FAR1: variants seen among roughly 807,000 people sequenced by gnomAD.
The protein encoded by FAR1 is male sterility domain-containing protein 2.
A neutral mutation model predicts 61.1 loss-of-function variants in FAR1; 22 were observed. That is an observed-to-expected ratio of 0.36 (90% CI 0.26 to 0.51). The LOEUF is 0.51. FAR1 is among the 20% of genes least tolerant of loss of function. FAR1 has a pLI of 0.95. For missense variants in FAR1, 359 were observed against 626.9 expected, an observed-to-expected ratio of 0.57 and a Z score of 4.56; for synonymous variants, 206 against 209.7, an observed-to-expected ratio of 0.98 and a Z score of 0.15.
At chr11:13,716,458 T>C (rs1436531774) in intron 9 of FAR1, among the ~76,000 whole-genome samples, 1 of 152,194 alleles carries the variant, frequency 6.6e-6, no homozygotes, top group African/African-American at 2.4e-5. Flanking sequence ...GTCTTTCATG[T>C]GTTTGTGATC....
chr11:13,722,617 G>A (rs1279759354), intron 10 of FAR1, among the ~76,000 whole-genome samples: 1 of 151,924 alleles, frequency 6.6e-6, no homozygotes, highest in African/African-American at 2.4e-5. Context: ...GGGATTACAG[G>A]CACATACCAC....
At chr11:13,723,362 CA>C (rs71313446) in intron 10 of FAR1, 39,362 of 255,150 alleles carry the variant, frequency 0.15, 493 homozygotes, top group Non-Finnish European at 0.16. Context: ...GAGAGTCTCT[CA>C]AAAAAAAAAA....
rs1436749074 is a variant in FAR1, at chr11:13,730,152, A to G, written c.*1378A>G. 1 of 152,462 alleles carries G rather than the reference A, an allele frequency of 6.6e-6. No homozygotes were observed. The highest frequency in any genetic ancestry group is 2.4e-5 in the African/African-American group (1 of 41,456). 9.4% of individuals were successfully genotyped at this position (152,462 alleles called of 1,614,324 possible). ...TTTATCAAGTTGTACTGTATTAGAT[A>G]ATCAGCAGTGTATCTGGAGTATGTT... On this transcript the variant is annotated 3_prime_UTR_variant, in exon 12 of 12. Transcript: ENST00000354817.
intron 1 of FAR1, among the ~76,000 whole-genome samples, chr11:13,677,184 A>G (rs2134167641): frequency 1.3e-5 from 2 of 152,354 alleles, no homozygotes; most frequent in Admixed American, 1.3e-4. Flanking sequence ...ATGTTATACC[A>G]TAATGTTTTT....
chr11:13,681,154 C>T (rs1011353972), intron 1 of FAR1, among the ~76,000 whole-genome samples: 1 of 152,056 alleles, frequency 6.6e-6, no homozygotes, highest in Non-Finnish European at 1.5e-5. Context: ...GTGAAATTCT[C>T]GTTCAGTAGA....
At chr11:13,677,238 A>G (rs549791439) in intron 1 of FAR1, among the ~76,000 whole-genome samples, 4 of 152,206 alleles carry the variant, frequency 2.6e-5, no homozygotes, top group African/African-American at 9.7e-5. Context: ...ATAATAACCC[A>G]TAGTTACAAG....
chr11:13,668,955 CCAGAAGTG>C (rs1463938587), intron 1 of FAR1, 149 bp downstream of exon 1: 1 of 152,486 alleles, frequency 6.6e-6, no homozygotes, highest in African/African-American at 2.4e-5. Context: ...CCGGGTACGC[CCAGAAGTG>C]AGGGCGCCCG....
intron 1 of FAR1, 137 bp from the exon 2 acceptor site, chr11:13,694,622 A>G (rs1565343675): frequency 1.5e-6 from 1 of 666,742 alleles, no homozygotes; most frequent in Non-Finnish European, 2.5e-6. Flanking sequence ...ACTTGAGGTT[A>G]GAGTCCTCTC....
intron 3 of FAR1, among the ~76,000 whole-genome samples, chr11:13,705,623 T>C (rs1158122630): frequency 6.6e-6 from 1 of 152,060 alleles, no homozygotes; most frequent in Non-Finnish European, 1.5e-5. Flanking sequence ...CTATGTGAAA[T>C]GTCTTTCTTG....
chr11:13,678,922 T>C (rs937374522), intron 1 of FAR1, among the ~76,000 whole-genome samples: 1 of 152,076 alleles, frequency 6.6e-6, no homozygotes, highest in Non-Finnish European at 1.5e-5. Context: ...ACAAGAAAAA[T>C]AGAAAATACA....
chr11:13,702,309 C>T (rs1362548089), intron 3 of FAR1, among the ~76,000 whole-genome samples: 2 of 151,774 alleles, frequency 1.3e-5, no homozygotes, highest in African/African-American at 4.8e-5. Flanking sequence ...TTTAGTCTTA[C>T]CTGTATATTA....
intron 3 of FAR1, among the ~76,000 whole-genome samples, chr11:13,701,113 A>G (rs551687918): frequency 2.0e-5 from 3 of 152,240 alleles, no homozygotes; most frequent in African/African-American, 7.2e-5. Context: ...AATTCAGAGC[A>G]TTCTTTTTGA....
At chr11:13,670,748 T>C (rs184518123) in intron 1 of FAR1, among the ~76,000 whole-genome samples, 93 of 150,126 alleles carry the variant, frequency 6.2e-4, no homozygotes, top group Middle Eastern at 3.4e-3. Context: ...AAAGACATGG[T>C]ATGTATGCAT....
At chr11:13,674,140 A>G (rs1201834114) in intron 1 of FAR1, among the ~76,000 whole-genome samples, 1 of 151,898 alleles carries the variant, frequency 6.6e-6, no homozygotes, top group Non-Finnish European at 1.5e-5. Flanking sequence ...TGAAAACCCC[A>G]TCTAGTAAAA....
chr11:13,726,428 A>C (rs1318860356), intron 10 of FAR1, among the ~76,000 whole-genome samples: 1 of 151,780 alleles, frequency 6.6e-6, no homozygotes, highest in African/African-American at 2.4e-5. Flanking sequence ...TTTCACCTTT[A>C]TTTTTCAAGG....
At chr11:13,718,987 C>A (rs1254580313) in intron 9 of FAR1, among the ~76,000 whole-genome samples, 1 of 152,140 alleles carries the variant, frequency 6.6e-6, no homozygotes, top group African/African-American at 2.4e-5. Flanking sequence ...CTGAAGGCTT[C>A]AAGGGTGAGT....
chr11:13,672,329 C>T (rs1442397771), intron 1 of FAR1, among the ~76,000 whole-genome samples: 6 of 151,426 alleles, frequency 4.0e-5, no homozygotes, highest in Non-Finnish European at 5.9e-5. Context: ...GCAGGCAGAC[C>T]GCCTGAGCTC....
At chr11:13,716,118 C>A (rs564181305) in intron 9 of FAR1, among the ~76,000 whole-genome samples, 34 of 151,892 alleles carry the variant, frequency 2.2e-4, no homozygotes. Context: ...GGCTAAAATG[C>A]AGATGTAAAT....
intron 1 of FAR1, chr11:13,669,258 G>C (rs939923744): frequency 1.3e-5 from 2 of 153,000 alleles, no homozygotes; most frequent in Non-Finnish European, 2.9e-5. Flanking sequence ...CTCAGAAAAG[G>C]GTGCTGAGGG....
Sources: allele counts gnomAD v4.1 joint callset (sites outside exome capture counted in the v4.1 genomes callset), GRCh38; gene constraint gnomAD v4.1.1; transcripts MANE v1.5; gene names NCBI Gene and HGNC (gene_info 2026-07-23, HGNC 2026-07-21).